TBC1D9: variants seen among roughly 807,000 people sequenced by gnomAD.
The protein encoded by TBC1D9 is TBC1 domain family member 9A.
Under a neutral mutation model 132.0 loss-of-function variants are expected in TBC1D9, and 63 were observed. That is an observed-to-expected ratio of 0.48 (90% CI 0.39 to 0.59). The LOEUF is 0.59. Ranked by LOEUF, TBC1D9 falls within the 20% of genes least tolerant of loss-of-function variation. TBC1D9 has a pLI of 0.00. For missense variants in TBC1D9, 1,261 were observed against 1,592.7 expected, an observed-to-expected ratio of 0.79 and a Z score of 3.54; for synonymous variants, 610 against 609.9, an observed-to-expected ratio of 1.00 and a Z score of 0.00.
rs775465678 is a variant in TBC1D9, at chr4:140,756,019, C to G, written c.27G>C (p.Leu9Phe). 8 of 1,609,518 alleles carry G rather than the reference C, an allele frequency of 5.0e-6. No homozygotes were observed. Among genetic ancestry groups the G allele is most frequent in the Middle Eastern group, 1.7e-4 (1 of 6,050 alleles). ...CGGTGATCCACAGCGCGTTGGCCAG[C>G]AACACCTCCTCCGGGTTCACCCACA... MWVNPEEV[L>F]LANALWITER... Residue 9 changes from leucine (L) to phenylalanine (F), a missense_variant, in exon 1 of 21, where the codon TTG becomes TTC. Physicochemically the swap from Leu to Phe is conservative, Grantham distance 22. Transcript: ENST00000442267. The surrounding 1 kb of genome is among the most constrained non-coding windows in gnomAD (Gnocchi z 5.6).
intron 1 of TBC1D9, among the ~76,000 whole-genome samples, chr4:140,724,518 G>T (rs1738469272): frequency 6.6e-6 from 1 of 152,052 alleles, no homozygotes; most frequent in African/African-American, 2.4e-5. Flanking sequence ...TTGAATTTTA[G>T]AGTGGTGAAG....
chr4:140,747,974 T>C (rs531648390), intron 1 of TBC1D9, among the ~76,000 whole-genome samples: 1 of 152,332 alleles, frequency 6.6e-6, no homozygotes, highest in South Asian at 2.1e-4. Flanking sequence ...TATCTTCTCC[T>C]TCAGATTAGT....
intron 1 of TBC1D9, among the ~76,000 whole-genome samples, chr4:140,735,173 C>T (rs1207613464): frequency 6.6e-6 from 1 of 152,166 alleles, no homozygotes; most frequent in African/African-American, 2.4e-5. Flanking sequence ...AAGGACATTC[C>T]TAAGGCCCTT....
In TBC1D9 at chr4:140,662,057, C is replaced by G; in HGVS notation, c.1639G>C (p.Glu547Gln). 6.2e-7 allele frequency: 1 copy of G among 1,613,986 alleles called. No individual in the cohort carries two copies. Among genetic ancestry groups the G allele is most frequent in the Non-Finnish European group, 8.5e-7 (1 of 1,179,886 alleles). ...AGATTATACTTCCCCATGGACTTCTCCACTAGGTCTTCATAGTACCCAGGA... is the reference window on the plus strand; with the variant it reads ...AGATTATACTTCCCCATGGACTTCTGCACTAGGTCTTCATAGTACCCAGGA... ...THPGYYEDLV[E>Q]KSMGKYNLAT... Residue 547 changes from glutamate to glutamine, a missense_variant, in exon 10 of 21, where the codon GAG (glutamate) becomes CAG (glutamine). Physicochemically the swap from Glu to Gln is conservative, Grantham distance 29 (BLOSUM62 2). Coordinates refer to ENST00000442267, the MANE Select transcript of TBC1D9 (RefSeq NM_015130.3).
Position 140,666,095 on chromosome 4 carries a change from G to A in TBC1D9, c.1588+2822C>T, listed in dbSNP as rs75327029. On this transcript the variant is annotated intron_variant, in intron 9 of 20. Transcript: ENST00000442267. ...AAAACGAATGAACAGAGTATAGTAT[G>A]TCCATACAATGATATAATATTTGGC... 9.2e-3 allele frequency among the ~76,000 whole-genome samples: 1,408 copies of A among 152,260 alleles called. 18 individuals carry two copies. Among genetic ancestry groups the A allele is most frequent in the African/African-American group, 0.031 (1,305 of 41,554 alleles).
chr4:140,674,428 TG>T (rs1194769681), intron 6 of TBC1D9, among the ~76,000 whole-genome samples: 5 of 152,122 alleles, frequency 3.3e-5, no homozygotes, highest in Non-Finnish European at 7.4e-5. Context: ...TACATATATT[TG>T]AGAGAAAACT....
intron 13 of TBC1D9, among the ~76,000 whole-genome samples, chr4:140,653,008 A>T (rs1476790241): frequency 6.6e-6 from 1 of 152,176 alleles, no homozygotes; most frequent in African/African-American, 2.4e-5. Context: ...ATCTCAGTCT[A>T]TGAATCAAAC....
chr4:140,741,316 T>C (rs1560901813), intron 1 of TBC1D9, among the ~76,000 whole-genome samples: 1 of 152,206 alleles, frequency 6.6e-6, no homozygotes, highest in African/African-American at 2.4e-5. Context: ...AGCTATCTCT[T>C]GTGGGGGAAA....
At chr4:140,634,663 A>C (rs879416024) in intron 15 of TBC1D9, among the ~76,000 whole-genome samples, 7 of 152,230 alleles carry the variant, frequency 4.6e-5, no homozygotes, top group Admixed American at 1.3e-4. Flanking sequence ...CCAACCAGTT[A>C]AAGCAGAATC....
chr4:140,736,673 G>A (rs1445982800), intron 1 of TBC1D9, among the ~76,000 whole-genome samples: 1 of 152,178 alleles, frequency 6.6e-6, no homozygotes, highest in African/African-American at 2.4e-5. Context: ...AGAACAGGAA[G>A]AAAGAGGGGT....
chr4:140,738,900 C>A (rs1231134686), intron 1 of TBC1D9, among the ~76,000 whole-genome samples: 1 of 152,180 alleles, frequency 6.6e-6, no homozygotes, highest in African/African-American at 2.4e-5. Flanking sequence ...AGTTATATAA[C>A]TATAATCCAT....
At chr4:140,644,289 C>G (rs1023309502) in intron 13 of TBC1D9, 1 of 293,122 alleles carries the variant, frequency 3.4e-6, no homozygotes, top group Non-Finnish European at 6.8e-6. Flanking sequence ...CTCTTCCTTG[C>G]GGGTGATACC....
Position 140,622,865 on chromosome 4 carries a change from G to A in TBC1D9, c.3131C>T (p.Pro1044Leu). Reference protein sequence around the residue: ...KTMYNMFSEDPNEQELYHATA... With the variant: ...KTMYNMFSEDLNEQELYHATA... The stretch of plus-strand genomic sequence containing the variant: ...GGCGTGGTACAGCTCCTGCTCATTG[G>A]GGTCTTCGCTGAACATGTTATACAT... The change falls in exon 21 of 21, where the codon CCC becomes CTC. Residue 1044 changes from proline (P) to leucine (L), a missense_variant. Coordinates refer to ENST00000442267, the MANE Select transcript of TBC1D9 (RefSeq NM_015130.3). 6.3e-7 allele frequency: 1 copy of A among 1,588,516 alleles called. No individual in the cohort carries two copies. The highest frequency in any genetic ancestry group is 8.5e-7 in the Non-Finnish European group (1 of 1,170,000).
chr4:140,737,436 TTCTCTCTCTCTCTC>T (rs60339822), intron 1 of TBC1D9, among the ~76,000 whole-genome samples: 5 of 147,202 alleles, frequency 3.4e-5, no homozygotes, highest in South Asian at 2.2e-4. Flanking sequence ...GCACCCTCCC[TTCTCTCTCTCTCTC>T]TCTCTCTCTC....
In TBC1D9 at chr4:140,639,423, G is replaced by A. The variant is rs373715168; in HGVS notation, c.2343C>T (p.Phe781=). The change falls in exon 14 of 21, where the codon TTC becomes TTT. Residue 781 remains phenylalanine, a synonymous_variant. Transcript: ENST00000442267. ...FRLIRTSYEK[F]GTIRADLIEQ... ...CAATCAAATCTGCCCGGATAGTTCC[G>A]AATTTCTGTAAAGGAGCAATATTGG... The A allele has an allele frequency of 2.2e-5, 36 of 1,607,912 alleles. No homozygotes were observed. Among genetic ancestry groups the A allele is most frequent in the African/African-American group, 9.3e-5 (7 of 74,980 alleles).
intron 2 of TBC1D9, among the ~76,000 whole-genome samples, chr4:140,697,209 T>G (rs1372957201): frequency 6.6e-6 from 1 of 151,954 alleles, no homozygotes; most frequent in African/African-American, 2.4e-5. Flanking sequence ...AAACCCTGTC[T>G]CTACAAAAAA....
intron 13 of TBC1D9, among the ~76,000 whole-genome samples, chr4:140,654,130 G>A (rs552139648): frequency 1.1e-4 from 17 of 152,368 alleles, no homozygotes; most frequent in Admixed American, 9.1e-4. Context: ...TCTGCACAGA[G>A]GGGTGCCTCC....
At chr4:140,701,217 A>G (rs1545973) in intron 2 of TBC1D9, among the ~76,000 whole-genome samples, 73,388 of 151,950 alleles carry the variant, frequency 0.48, 20,109 homozygotes, top group African/African-American at 0.74. Context: ...CTCCACCCTC[A>G]CACTCTTCCC....
intron 5 of TBC1D9, among the ~76,000 whole-genome samples, chr4:140,678,632 C>A (rs1192417306): frequency 6.6e-6 from 1 of 152,166 alleles, no homozygotes; most frequent in Non-Finnish European, 1.5e-5. Flanking sequence ...CAGCTCAAAG[C>A]AGCCTCCACT....
Sources: gnomAD v4.1 joint callset for allele counts (sites outside exome capture counted in the v4.1 genomes callset) on GRCh38, gnomAD v4.1.1 for gene constraint, Gnocchi (gnomAD v3.1) non-coding constraint, MANE v1.5 for transcripts, NCBI Gene and HGNC (gene_info 2026-07-23, HGNC 2026-07-21) for gene names.